The following B3GNT8 variants were observed in gnomAD, a reference collection of about 807,000 sequenced individuals.
The protein encoded by B3GNT8 is N-acetyllactosaminide beta-1,3-N-acetylglucosaminyltransferase 8.
For missense variants in B3GNT8, 502 were observed against 530.5 expected (o/e 0.95, Z 0.53); for synonymous variants, 258 against 238.3 (o/e 1.08, Z -0.76).
rs867883526 is a variant in B3GNT8, at chr19:41,425,791, A to G, written c.988T>C (p.Phe330Leu). Residue 330 changes from phenylalanine (F) to leucine (L), a missense_variant, in exon 2 of 2, where the codon TTC becomes CTC. Coordinates refer to ENST00000691102, the MANE Select transcript of B3GNT8 (RefSeq NM_001385648.2). The part of the protein sequence containing the change: ...LLRAAARVAP[F>L]PFEDVYTGLC... ...CCAGTGTAGACGTCCTCAAAGGGGA[A>G]GGGTGCCACACGGGCTGCCGCCCGC... 6.2e-7 allele frequency: 1 copy of G among 1,612,522 alleles called. No homozygotes were observed. The highest frequency in any genetic ancestry group is 1.3e-5 in the African/African-American group (1 of 74,934).
Position 41,426,765 on chromosome 19 carries a change from T to C in B3GNT8, c.14A>G (p.Lys5Arg), listed in dbSNP as rs766378168. 7 of 1,612,148 alleles carry C rather than the reference T, an allele frequency of 4.3e-6. No individual in the cohort carries two copies. Among genetic ancestry groups the C allele is most frequent in the South Asian group, 2.2e-5 (2 of 91,076 alleles). The change falls in exon 2 of 2, where the codon AAG (lysine) becomes AGG (arginine). Residue 5 changes from lysine (K) to arginine (R), a missense_variant. Coordinates refer to ENST00000691102, the MANE Select transcript of B3GNT8 (RefSeq NM_001385648.2). This position sits in a 1 kb window ranked among gnomAD's most constrained non-coding sequence, Gnocchi z 4.9. MRCP[K>R]CLLCLSALLT... The stretch of plus-strand genomic sequence containing the variant: ...CAGTGCTGACAGGCAGAGAAGGCAC[T>C]TGGGGCAGCGCATGACCCGGCCCAG...
In B3GNT8 at chr19:41,426,148, G is replaced by C; in HGVS notation, c.631C>G (p.Leu211Val). Residue 211 changes from leucine to valine, a missense_variant, in exon 2 of 2, where the codon CTC becomes GTC. Coordinates refer to ENST00000691102, the MANE Select transcript of B3GNT8 (RefSeq NM_001385648.2). The surrounding 1 kb of genome is among the most constrained non-coding windows in gnomAD (Gnocchi z 4.9). The part of the protein sequence containing the change: ...WESRRYSDLL[L>V]WDFLDVPFNQ... ...AATGGGACGTCGAGGAAGTCCCAGA[G>C]CAGCAGGTCACTGTAGCGACGGCTC... 1.2e-6 allele frequency: 2 copies of C among 1,613,830 alleles called. No homozygotes were observed. The highest frequency in any genetic ancestry group is 1.7e-6 in the Non-Finnish European group (2 of 1,179,882).
rs775318266 is a variant in B3GNT8 at position 41,425,534 on chromosome 19, C to A, written c.*51G>T. ...TGGAAGGAGGGGCTGAGCCAGGGGC[C>A]GGCCCCAGAGGCCCAGGCCAGGTCA... On this transcript the variant is annotated 3_prime_UTR_variant, in exon 2 of 2. Coordinates refer to ENST00000691102, the MANE Select transcript of B3GNT8 (RefSeq NM_001385648.2). 7.1e-7 allele frequency: 1 copy of A among 1,405,298 alleles called. No homozygotes were observed. The highest frequency in any genetic ancestry group is 1.9e-5 in the South Asian group (1 of 53,774). The allele number at this position is 1,405,298 out of a possible 1,614,324, so 87.1% of individuals were successfully genotyped here.
Position 41,425,732 on chromosome 19 carries a change from C to T in B3GNT8, c.1047G>A (p.Gln349=), listed in dbSNP as rs779578471. 6.6e-5 allele frequency: 104 copies of T among 1,586,456 alleles called. No homozygotes were observed. The South Asian group carries it at 1.1e-3, about 17-fold the overall frequency. ...LCIRALGLVP[Q]AHPGFLTAWP... ...AGGCTGTGAGGAAGCCTGGGTGGGC[C>T]TGGGGCACCAGGCCCAGGGCTCGGA... is the stretch of plus-strand genomic sequence containing the variant. Residue 349 remains glutamine (Q), a synonymous_variant, in exon 2 of 2, where the codon CAG becomes CAA. Transcript: ENST00000691102.
Position 41,426,556 on chromosome 19 carries a change from GGTTCCA to G in B3GNT8, c.217_222del (p.Trp73_Asn74del). On this transcript the variant is annotated inframe_deletion, in exon 2 of 2. Transcript: ENST00000691102. The surrounding 1 kb of genome is among the most constrained non-coding windows in gnomAD (Gnocchi z 4.9). ...AGGGACCCCAGCCGCCACTGCTGCTGGTTCCAGTAAGCAAAGGGCAGCGGGATAGTC... is the reference window on the plus strand; with the variant it reads ...AGGGACCCCAGCCGCCACTGCTGCTGGTAAGCAAAGGGCAGCGGGATAGTC... 6.2e-7 allele frequency: 1 copy of G among 1,601,198 alleles called. No individual in the cohort carries two copies. The highest frequency in any genetic ancestry group is 8.5e-7 in the Non-Finnish European group (1 of 1,173,330).
Position 41,426,676 on chromosome 19 carries a change from A to G in B3GNT8, c.103T>C (p.Tyr35His), listed in dbSNP as rs149898759. ...GGCGGGGTGCCCCGAGGGCTGGGGT[A>G]GGCCTTGCTGAGCCGGGACTCGGAT... The part of the protein sequence containing the change: ...WTSESRLSKA[Y>H]PSPRGTPPSP... The change falls in exon 2 of 2, where the codon TAC (tyrosine) becomes CAC (histidine). Residue 35 changes from tyrosine to histidine, a missense_variant. Coordinates refer to ENST00000691102, the MANE Select transcript of B3GNT8 (RefSeq NM_001385648.2). The surrounding 1 kb of genome is among the most constrained non-coding windows in gnomAD (Gnocchi z 4.9). 2.0e-5 allele frequency: 32 copies of G among 1,613,616 alleles called. No homozygotes were observed. Among genetic ancestry groups the G allele is most frequent in the Non-Finnish European group, 1.8e-5 (21 of 1,179,928 alleles).
Position 41,426,183 on chromosome 19 carries a change from A to T in B3GNT8, c.596T>A (p.Val199Glu), listed in dbSNP as rs991151412. ...GEAGPDLDSL[V>E]AWESRRYSDL... ...ACTGTAGCGACGGCTCTCCCAGGCC[A>T]CTAGTGAGTCTAGGTCAGGCCCCGC... Residue 199 changes from valine to glutamate, a missense_variant, in exon 2 of 2, where the codon GTG (valine) becomes GAG (glutamate). Physicochemically the swap from Val to Glu is moderately radical, Grantham distance 121. Transcript: ENST00000691102. This position sits in a 1 kb window ranked among gnomAD's most constrained non-coding sequence, Gnocchi z 4.9. 6.2e-7 allele frequency: 1 copy of T among 1,613,796 alleles called. No individual in the cohort carries two copies. Among genetic ancestry groups the T allele is most frequent in the Non-Finnish European group, 8.5e-7 (1 of 1,179,920 alleles).
At position 41,426,697 on chromosome 19, in the gene B3GNT8, C is replaced by A; in HGVS notation, c.82G>T (p.Glu28Ter). ...GLKVYIEWTS[E>*]SRLSKAYPSP... ...GGGTAGGCCTTGCTGAGCCGGGACT[C>A]GGATGTCCACTCGATGTACACTTTG... Residue 28 changes from glutamate to a stop codon, truncating the protein, a stop_gained, in exon 2 of 2, where the codon GAG becomes TAG. Transcript: ENST00000691102. LOFTEE classifies it low-confidence loss of function (END_TRUNC). This position sits in a 1 kb window ranked among gnomAD's most constrained non-coding sequence, Gnocchi z 4.9. 6.2e-7 allele frequency: 1 copy of A among 1,613,700 alleles called. No individual in the cohort carries two copies. Among genetic ancestry groups the A allele is most frequent in the Non-Finnish European group, 8.5e-7 (1 of 1,179,932 alleles).
In B3GNT8 at chr19:41,426,317, G is replaced by C. The variant is rs922242986; in HGVS notation, c.462C>G (p.Val154=). The change falls in exon 2 of 2, where the codon GTC becomes GTG. Residue 154 remains valine (V), a synonymous_variant. Transcript: ENST00000691102. The surrounding 1 kb of genome is among the most constrained non-coding windows in gnomAD (Gnocchi z 4.9). ...CTGCAAAGCGCCCTGGTTCTGACTT[G>C]ACGGCCAACAGCAGGTAGGGGACAT... is the stretch of plus-strand genomic sequence containing the variant. ...DTDVPYLLLA[V]KSEPGRFAER... 1.9e-6 allele frequency: 3 copies of C among 1,613,276 alleles called. No homozygotes were observed. The highest frequency in any genetic ancestry group is 1.3e-5 in the African/African-American group (1 of 74,952).
Position 41,426,450 on chromosome 19 carries a change from G to T in B3GNT8, c.329C>A (p.Ser110Tyr), listed in dbSNP as rs774543995. 1.1e-5 allele frequency: 18 copies of T among 1,608,540 alleles called. No individual in the cohort carries two copies. The South Asian group carries it at 2.0e-4, about 18-fold the overall frequency. ...GAAGCGGCGGAGGTCCTTGGGGTAG[G>T]AGGCGAAGTCAGGGATCTCGGTGGC... ...AAATEIPDFASYPKDLRRFLL... is the reference protein window; with the variant it reads ...AAATEIPDFAYYPKDLRRFLL... Residue 110 changes from serine (S) to tyrosine (Y), a missense_variant, in exon 2 of 2, where the codon TCC becomes TAC. By Grantham distance (144) the Ser-to-Tyr change is moderately radical. Transcript: ENST00000691102. The surrounding 1 kb of genome is among the most constrained non-coding windows in gnomAD (Gnocchi z 4.9).
chr19:41,426,154 G>C lies in B3GNT8; in HGVS notation c.625C>G (p.Leu209Val). ...ACGTCGAGGAAGTCCCAGAGCAGCA[G>C]GTCACTGTAGCGACGGCTCTCCCAG... ...VAWESRRYSD[L>V]LLWDFLDVPF... Residue 209 changes from leucine to valine, a missense_variant, in exon 2 of 2, where the codon CTG becomes GTG. Transcript: ENST00000691102. The surrounding 1 kb of genome is among the most constrained non-coding windows in gnomAD (Gnocchi z 4.9). 1 of 1,613,870 alleles carries C rather than the reference G, an allele frequency of 6.2e-7. No individual in the cohort carries two copies. Among genetic ancestry groups the C allele is most frequent in the Non-Finnish European group, 8.5e-7 (1 of 1,179,886 alleles).
upstream of B3GNT8, among the ~76,000 whole-genome samples, chr19:41,428,408 C>T (rs1038466535): frequency 6.6e-6 from 1 of 152,158 alleles, no homozygotes. This position sits in a 1 kb window ranked among gnomAD's most constrained non-coding sequence, Gnocchi z 6.1. Flanking sequence ...CCTCCCCCAG[C>T]GGCACTGTGA....
In B3GNT8 at chr19:41,426,502, C is replaced by A. The variant is rs1162314747; in HGVS notation, c.277G>T (p.Gly93Cys). ...LPSGDSTETG[G>C]CQAWGAAAAT... Reference sequence around the variant, plus strand: ...GCGGCGGCCCCCCAAGCCTGGCAGCCCCCCGTTTCAGTGCTGTCCCCACTG... The same window carrying A: ...GCGGCGGCCCCCCAAGCCTGGCAGCACCCCGTTTCAGTGCTGTCCCCACTG... The change falls in exon 2 of 2, where the codon GGC becomes TGC. Residue 93 changes from glycine to cysteine, a missense_variant. By Grantham distance (159) the Gly-to-Cys change is radical. Transcript: ENST00000691102. This position sits in a 1 kb window ranked among gnomAD's most constrained non-coding sequence, Gnocchi z 4.9. 1.9e-6 allele frequency: 3 copies of A among 1,596,300 alleles called. No individual in the cohort carries two copies. The highest frequency in any genetic ancestry group is 2.6e-6 in the Non-Finnish European group (3 of 1,170,962).
At position 41,426,594 on chromosome 19, in the gene B3GNT8, A is replaced by G; in HGVS notation, c.185T>C (p.Leu62Pro). ...AAAGGGCAGCGGGATAGTCTGGCCC[A>G]GGCGGGTGGAGAGGTTGGCAGGTAG... ...PTLPANLSTRLGQTIPLPFAY... is the reference protein window; with the variant it reads ...PTLPANLSTRPGQTIPLPFAY... The change falls in exon 2 of 2, where the codon CTG becomes CCG. Residue 62 changes from leucine to proline, a missense_variant. By Grantham distance (98) the Leu-to-Pro change is moderately conservative. Coordinates refer to ENST00000691102, the MANE Select transcript of B3GNT8 (RefSeq NM_001385648.2). The surrounding 1 kb of genome is among the most constrained non-coding windows in gnomAD (Gnocchi z 4.9). The G allele has an allele frequency of 6.2e-7, 1 of 1,609,674 alleles. No individual in the cohort carries two copies. The highest frequency in any genetic ancestry group is 8.5e-7 in the Non-Finnish European group (1 of 1,178,014).
In B3GNT8 at chr19:41,425,796, G is replaced by A; in HGVS notation, c.983C>T (p.Ala328Val). The stretch of plus-strand genomic sequence containing the variant: ...GTAGACGTCCTCAAAGGGGAAGGGT[G>A]CCACACGGGCTGCCGCCCGCAGCAG... ...PWLLRAAARV[A>V]PFPFEDVYTG... The change falls in exon 2 of 2, where the codon GCA becomes GTA. Residue 328 changes from alanine (A) to valine (V), a missense_variant. Physicochemically the swap from Ala to Val is moderately conservative, Grantham distance 64. Coordinates refer to ENST00000691102, the MANE Select transcript of B3GNT8 (RefSeq NM_001385648.2). 1 of 1,612,732 alleles carries A rather than the reference G, an allele frequency of 6.2e-7. No homozygotes were observed. The highest frequency in any genetic ancestry group is 1.1e-5 in the South Asian group (1 of 91,044).
At position 41,425,776 on chromosome 19, in the gene B3GNT8, CG is replaced by C; in HGVS notation, c.1002del (p.Asp334GlufsTer74). 2.5e-6 allele frequency: 4 copies of C among 1,612,010 alleles called. No homozygotes were observed. The highest frequency in any genetic ancestry group is 3.4e-6 in the Non-Finnish European group (4 of 1,179,334). On this transcript the variant is annotated frameshift_variant, in exon 2 of 2. Coordinates refer to ENST00000691102, the MANE Select transcript of B3GNT8 (RefSeq NM_001385648.2). LOFTEE classifies it low-confidence loss of function (END_TRUNC). ...GCTCGGATGCAAAGGCCAGTGTAGA[CG>C]TCCTCAAAGGGGAAGGGTGCCACAC... ...AARVAPFPFE[D>X]VYTGLCIRAL...
chr19:41,428,350 C>T (rs1008278873), upstream of B3GNT8, among the ~76,000 whole-genome samples: 10 of 152,016 alleles, frequency 6.6e-5, no homozygotes, highest in African/African-American at 1.5e-4. The surrounding 1 kb of genome is among the most constrained non-coding windows in gnomAD (Gnocchi z 6.1). Context: ...CTGTTCCTAC[C>T]TTACCCCCAA....
Position 41,426,371 on chromosome 19 carries a change from G to A in B3GNT8, c.408C>T (p.Gly136=). 5 of 1,612,680 alleles carry A rather than the reference G, an allele frequency of 3.1e-6. No individual in the cohort carries two copies. Among genetic ancestry groups the A allele is most frequent in the East Asian group, 2.2e-5 (1 of 44,884 alleles). ...SFPQWLPGGG[G]SQVSSCSDTD... is the part of the protein sequence containing the mutation. Reference sequence around the variant, plus strand: ...TATCTGAGCAGCTGGAGACTTGGCTGCCACCACCTCCAGGCAGCCACTGTG... The same window carrying A: ...TATCTGAGCAGCTGGAGACTTGGCTACCACCACCTCCAGGCAGCCACTGTG... The change falls in exon 2 of 2, where the codon GGC becomes GGT. Residue 136 remains glycine, a synonymous_variant. Coordinates refer to ENST00000691102, the MANE Select transcript of B3GNT8 (RefSeq NM_001385648.2). This position sits in a 1 kb window ranked among gnomAD's most constrained non-coding sequence, Gnocchi z 4.9.
chr19:41,426,432 C>T lies in B3GNT8; in HGVS notation c.347G>A (p.Arg116His), dbSNP rs762148606. 2.0e-5 allele frequency: 33 copies of T among 1,610,444 alleles called. No homozygotes were observed. Among genetic ancestry groups the T allele is most frequent in the East Asian group, 8.9e-5 (4 of 44,856 alleles). The change falls in exon 2 of 2, where the codon CGC becomes CAC. Residue 116 changes from arginine (R) to histidine (H), a missense_variant. Coordinates refer to ENST00000691102, the MANE Select transcript of B3GNT8 (RefSeq NM_001385648.2). This position sits in a 1 kb window ranked among gnomAD's most constrained non-coding sequence, Gnocchi z 4.9. ...GCAGGCTGCTGACAGCAAGAAGCGG[C>T]GGAGGTCCTTGGGGTAGGAGGCGAA... is the stretch of plus-strand genomic sequence containing the variant. ...PDFASYPKDLRRFLLSAACRS... is the reference protein window; with the variant it reads ...PDFASYPKDLHRFLLSAACRS...
Sources: allele counts gnomAD v4.1 joint callset (sites outside exome capture counted in the v4.1 genomes callset), GRCh38; gene constraint gnomAD v4.1.1; non-coding constraint Gnocchi (gnomAD v3.1); transcripts MANE v1.5; gene names NCBI Gene and HGNC (gene_info 2026-07-23, HGNC 2026-07-21).